SIM2: variants seen among roughly 807,000 people sequenced by gnomAD.
SIM2 encodes the protein single-minded homolog 2.
In SIM2, 28 loss-of-function variants were observed where a neutral mutation model predicts 64.8. That is an observed-to-expected ratio of 0.43 (90% CI 0.32 to 0.59). SIM2 has a LOEUF of 0.59. Ranked by LOEUF, SIM2 falls within the 20% of genes least tolerant of loss-of-function variation. The probability of loss-of-function intolerance (pLI) is 0.07; values close to 1 mark genes in which losing one functional copy is unlikely to be tolerated. For synonymous variants in SIM2, 408 were observed against 391.1 expected (o/e 1.04, Z -0.51); for missense variants, 847 against 871.4 (o/e 0.97, Z 0.35).
At position 36,744,875 on chromosome 21, in the gene SIM2, C is replaced by T. The variant is rs560307495; in HGVS notation, c.1315C>T (p.Pro439Ser). The change falls in exon 10 of 11, where the codon CCC (proline) becomes TCC (serine). Residue 439 changes from proline to serine, a missense_variant. Physicochemically the swap from Pro to Ser is moderately conservative, Grantham distance 74 (BLOSUM62 -1). This residue lies in a region of SIM2 where 447 missense variants were observed against 414.6 expected (regional missense o/e 1.08). Transcript: ENST00000290399. The stretch of plus-strand genomic sequence containing the variant: ...TCTGTACACGCCATCCTACAGCCTG[C>T]CCTTCTCCTACCATTACGGACACTT... ...DLLYTPSYSL[P>S]FSYHYGHFPL... 9.3e-6 allele frequency: 15 copies of T among 1,614,266 alleles called. No individual in the cohort carries two copies. In the African/African-American group the frequency reaches 1.9e-4, roughly 20 times the overall value.
At chr21:36,742,286 A>T (rs1220013166) in intron 8 of SIM2, among the ~76,000 whole-genome samples, 1 of 152,082 alleles carries the variant, frequency 6.6e-6, no homozygotes, top group African/African-American at 2.4e-5. Context: ...CTGCTGTTTG[A>T]GACAGGAAAT....
chr21:36,740,681 A>C (rs1218302646), intron 7 of SIM2, among the ~76,000 whole-genome samples: 1 of 152,142 alleles, frequency 6.6e-6, no homozygotes, highest in Non-Finnish European at 1.5e-5. Flanking sequence ...AGGAAGGCTG[A>C]ATTTTTGTTG....
chr21:36,726,065 G>A lies in SIM2; in HGVS notation c.544-54G>A. ...TTGAGAAAATGAGCCAGGAGGAGTG[G>A]GCTCCAGCCCAACCCCAGTGGCCAG... is the stretch of plus-strand genomic sequence containing the variant. On this transcript the variant is annotated intron_variant, in intron 5 of 10. Transcript: ENST00000290399. The surrounding 1 kb of genome is among the most constrained non-coding windows in gnomAD (Gnocchi z 4.5). 1 of 1,467,864 alleles carries A rather than the reference G, an allele frequency of 6.8e-7. No individual in the cohort carries two copies. The highest frequency in any genetic ancestry group is 9.5e-7 in the Non-Finnish European group (1 of 1,055,258). The allele number at this position is 1,467,864 out of a possible 1,614,324, so 90.9% of individuals were successfully genotyped here. A position where few individuals can be genotyped will look rare whatever the true frequency, so the allele number is the denominator to read the frequency against.
chr21:36,736,860 TTTTC>T (rs771378970), intron 7 of SIM2, among the ~76,000 whole-genome samples: 484 of 25,298 alleles, frequency 0.019, 1 homozygote, highest in African/African-American at 0.032. Context: ...CTTTCTTTCT[TTTTC>T]TTTCTTTCTT....
At chr21:36,719,200 G>A (rs564622395) in intron 3 of SIM2, among the ~76,000 whole-genome samples, 42 of 152,378 alleles carry the variant, frequency 2.8e-4, no homozygotes, top group Middle Eastern at 3.4e-3. Flanking sequence ...CAGTCATCTC[G>A]GACTGGGAGG....
intron 3 of SIM2, among the ~76,000 whole-genome samples, chr21:36,715,885 T>A (rs1325709768): frequency 6.6e-6 from 1 of 152,140 alleles, no homozygotes; most frequent in Non-Finnish European, 1.5e-5. Context: ...CTGCTTCGTA[T>A]GGCAGAGCTA....
intron 8 of SIM2, 150 bp from the exon 9 acceptor site, chr21:36,743,237 G>A: frequency 1.4e-6 from 1 of 702,194 alleles, no homozygotes; most frequent in Non-Finnish European, 2.4e-6. Flanking sequence ...ATGAGGGTGA[G>A]CTGGCCTTGT....
chr21:36,712,688 C>T (rs2088693518), intron 3 of SIM2, 66 bp downstream of exon 3: 2 of 1,059,018 alleles, frequency 1.9e-6, no homozygotes, highest in South Asian at 1.4e-5. Context: ...TTTTGACAGC[C>T]TCACCCAACT....
rs1255161538 is a variant in SIM2 at position 36,743,640 on chromosome 21, C to T, written c.1167+85C>T. The T allele has an allele frequency of 9.3e-6, 12 of 1,291,278 alleles. No homozygotes were observed. The Admixed American group carries it at 1.0e-4, about 11-fold the overall frequency. 80.0% of individuals were successfully genotyped at this position (1,291,278 alleles called of 1,614,324 possible). A position where few individuals can be genotyped will look rare whatever the true frequency, so the allele number is the denominator to read the frequency against. On this transcript the variant is annotated intron_variant, in intron 9 of 10. Coordinates refer to ENST00000290399, the MANE Select transcript of SIM2 (RefSeq NM_005069.6). ...CTGGACACATTAAGGAATGGGGAGC[C>T]TCTCATTGCACAGCAGGGATCTCCC...
chr21:36,736,878 T>C (rs950413003), intron 7 of SIM2, among the ~76,000 whole-genome samples: 1 of 151,262 alleles, frequency 6.6e-6, no homozygotes, highest in African/African-American at 2.4e-5. Context: ...CTTTCTTTCT[T>C]CCTTCCTTTT....
In SIM2 at chr21:36,737,961, C is replaced by CAAAAAAAAAAAAAAAAAAAAAAAAA. The variant is rs61252184; in HGVS notation, c.851-3735_851-3734insAAAAAAAAAAAAAAAAAAAAAAAAA. Among the ~76,000 whole-genome samples, 20 of 34,130 alleles carry CAAAAAAAAAAAAAAAAAAAAAAAAA rather than the reference C, an allele frequency of 5.9e-4. 1 individual carries two copies. The highest frequency in any genetic ancestry group is 2.9e-3 in the East Asian group (3 of 1,020). The allele number at this position is 34,130 out of a possible 152,430, so 22.4% of individuals were successfully genotyped here. On this transcript the variant is annotated intron_variant, in intron 7 of 10. Transcript: ENST00000290399. ...TGGGCAAAAGAGCAAGACCCTGTCT[C>CAAAAAAAAAAAAAAAAAAAAAAAAA]AAAAAAAAAAAAAAAAAAAAAGCAA...
chr21:36,732,307 CAGTT>C (rs780446520), intron 7 of SIM2, among the ~76,000 whole-genome samples: 29 of 151,462 alleles, frequency 1.9e-4, no homozygotes, highest in South Asian at 4.1e-4. Flanking sequence ...GGGGTGCAGA[CAGTT>C]AGAGGAGCTG....
At chr21:36,719,037 G>A (rs572536925) in intron 3 of SIM2, among the ~76,000 whole-genome samples, 2 of 152,220 alleles carry the variant, frequency 1.3e-5, no homozygotes, top group Non-Finnish European at 2.9e-5. Flanking sequence ...TCCTCTGTGG[G>A]CTGTGTCTGG....
At chr21:36,721,692 TC>T (rs1216027150) in intron 4 of SIM2, among the ~76,000 whole-genome samples, 1 of 152,120 alleles carries the variant, frequency 6.6e-6, no homozygotes, top group East Asian at 1.9e-4. Context: ...CACCTCAGCC[TC>T]CCAAAGTGCT....
intron 1 of SIM2, among the ~76,000 whole-genome samples, chr21:36,706,180 C>A (rs1403898650): frequency 6.6e-6 from 1 of 152,214 alleles, no homozygotes; most frequent in Admixed American, 6.5e-5. Flanking sequence ...GAACGGCAGG[C>A]AGGGTGTGGG....
chr21:36,720,000 T>G (rs1203816623), intron 4 of SIM2, 71 bp downstream of exon 4: 1 of 1,109,464 alleles, frequency 9.0e-7, no homozygotes, highest in East Asian at 2.3e-5. Flanking sequence ...AACTCAGGGC[T>G]TTGCTTCCCA....
At chr21:36,714,904 T>G (rs1207363080) in intron 3 of SIM2, among the ~76,000 whole-genome samples, 1 of 152,236 alleles carries the variant, frequency 6.6e-6, no homozygotes, top group Non-Finnish European at 1.5e-5. Context: ...AGTACTCTAT[T>G]TCCTCATGAT....
At chr21:36,720,007 C>T (rs1040771718) in intron 4 of SIM2, 78 bp downstream of exon 4, 9 of 1,013,238 alleles carry the variant, frequency 8.9e-6, no homozygotes, top group East Asian at 2.4e-5. Context: ...GGCTTTGCTT[C>T]CCACATCTGC....
chr21:36,729,036 A>G (rs2088930984), intron 6 of SIM2, among the ~76,000 whole-genome samples: 1 of 152,232 alleles, frequency 6.6e-6, no homozygotes, highest in South Asian at 2.1e-4. Context: ...GTCTTCAGAC[A>G]CTAGAGGCTT....
Sources: allele counts gnomAD v4.1 joint callset (sites outside exome capture counted in the v4.1 genomes callset), GRCh38; gene constraint gnomAD v4.1.1; regional missense constraint gnomAD v4.1.1; non-coding constraint Gnocchi (gnomAD v3.1); transcripts MANE v1.5; gene names NCBI Gene and HGNC (gene_info 2026-07-23, HGNC 2026-07-21).